Variants in MAP7 observed in about 807,000 individuals in gnomAD.
MAP7 encodes the protein microtubule associated protein 7.
Under a neutral mutation model 94.8 loss-of-function variants are expected in MAP7, and 52 were observed. That is an observed-to-expected ratio of 0.55 (90% CI 0.44 to 0.69). The LOEUF (loss-of-function observed/expected upper bound fraction) is 0.69. MAP7 is among the 30% of genes least tolerant of loss of function. MAP7 has a pLI of 0.00. For missense variants in MAP7, 940 were observed against 964.6 expected, an observed-to-expected ratio of 0.97 and a Z score of 0.34; for synonymous variants, 350 against 357.0, an observed-to-expected ratio of 0.98 and a Z score of 0.22.
chr6:136,518,291 C>T (rs1397805999), intron 1 of MAP7, among the ~76,000 whole-genome samples: 1 of 152,146 alleles, frequency 6.6e-6, no homozygotes, highest in African/African-American at 2.4e-5. Context: ...ATTCCCACTC[C>T]ACACTGGACC....
chr6:136,504,298 A>G (rs1164211061), intron 1 of MAP7, among the ~76,000 whole-genome samples: 1 of 152,206 alleles, frequency 6.6e-6, no homozygotes, highest in Middle Eastern at 3.4e-3. Context: ...ACAGGAAATG[A>G]CGAAATTAGC....
chr6:136,358,554 T>C (rs1366732525), intron 15 of MAP7, among the ~76,000 whole-genome samples: 1 of 152,090 alleles, frequency 6.6e-6, no homozygotes, highest in Non-Finnish European at 1.5e-5. Flanking sequence ...GAAACCAAAA[T>C]AGCTTCTATG....
intron 16 of MAP7, among the ~76,000 whole-genome samples, chr6:136,353,154 C>T (rs1789708916): frequency 6.6e-6 from 1 of 152,088 alleles, no homozygotes; most frequent in African/African-American, 2.4e-5. Flanking sequence ...TGTTTTCACC[C>T]AGGTAACTTA....
At chr6:136,420,131 T>C (rs1790816643) in intron 2 of MAP7, 5 of 874,258 alleles carry the variant, frequency 5.7e-6, no homozygotes, top group Non-Finnish European at 7.9e-6. Context: ...CAATCTTTAA[T>C]CAAAGAAGAA....
chr6:136,448,978 G>A (rs1274219971), intron 1 of MAP7, among the ~76,000 whole-genome samples: 1 of 147,682 alleles, frequency 6.8e-6, no homozygotes, highest in African/African-American at 2.5e-5. Flanking sequence ...AATGTTCCAG[G>A]TACTGGGGAC....
intron 1 of MAP7, among the ~76,000 whole-genome samples, chr6:136,495,711 A>G (rs778078694): frequency 6.6e-6 from 1 of 152,154 alleles, no homozygotes; most frequent in Non-Finnish European, 1.5e-5. Flanking sequence ...AGGGGTTTCT[A>G]TAGGTCCACA....
intron 1 of MAP7, among the ~76,000 whole-genome samples, chr6:136,482,832 A>G (rs1248785745): frequency 6.6e-6 from 1 of 152,178 alleles, no homozygotes; most frequent in Non-Finnish European, 1.5e-5. Flanking sequence ...TGTGTATTTT[A>G]AAACCGCTAA....
chr6:136,420,108 T>C (rs916749733), intron 2 of MAP7: 7 of 855,810 alleles, frequency 8.2e-6, no homozygotes, highest in Admixed American at 6.9e-5. Context: ...AAATTATAAA[T>C]GCTTTGGGAG....
intron 1 of MAP7, among the ~76,000 whole-genome samples, chr6:136,448,480 T>C (rs1454211077): frequency 1.3e-5 from 2 of 151,374 alleles, no homozygotes; most frequent in Non-Finnish European, 1.5e-5. Context: ...AGTGGCGCAA[T>C]CTCAGCTCAC....
At chr6:136,351,238 A>T (rs866984673) in intron 16 of MAP7, among the ~76,000 whole-genome samples, 45 of 137,974 alleles carry the variant, frequency 3.3e-4, no homozygotes, top group African/African-American at 1.3e-3. Context: ...TTTGATGGTA[A>T]AAAAAAAAAA....
chr6:136,500,722 A>C (rs904619103), intron 1 of MAP7, among the ~76,000 whole-genome samples: 1 of 152,218 alleles, frequency 6.6e-6, no homozygotes, highest in African/African-American at 2.4e-5. Flanking sequence ...CAGGTGTTTC[A>C]ACATCTGCTT....
intron 1 of MAP7, among the ~76,000 whole-genome samples, chr6:136,513,121 A>T (rs1823756519): frequency 6.6e-6 from 1 of 152,204 alleles, no homozygotes; most frequent in Non-Finnish European, 1.5e-5. Flanking sequence ...CTGGGATTAT[A>T]GGCATGAGCC....
chr6:136,365,530 T>G lies in MAP7; in HGVS notation c.1273+205A>C, dbSNP rs189758890. ...ACAGGAATAGTGTTGCCAGGTAATT[T>G]TTTACTTAGCGTTGCTAAGTAAAAA... On this transcript the variant is annotated intron_variant, in intron 10 of 17. Transcript: ENST00000354570. Among the ~76,000 whole-genome samples the G allele has an allele frequency of 3.3e-5, 5 of 152,314 alleles. No homozygotes were observed. The East Asian group carries it at 9.7e-4, about 29-fold the overall frequency.
intron 1 of MAP7, among the ~76,000 whole-genome samples, chr6:136,523,166 G>T (rs1826884804): frequency 6.6e-6 from 1 of 152,216 alleles, no homozygotes; most frequent in Admixed American, 6.5e-5. Flanking sequence ...AAGTGGAAAA[G>T]GTAAAATGAA....
At chr6:136,505,719 C>T (rs1821318560) in intron 1 of MAP7, among the ~76,000 whole-genome samples, 1 of 151,872 alleles carries the variant, frequency 6.6e-6, no homozygotes, top group South Asian at 2.1e-4. Context: ...GTACAACACC[C>T]GTGACACAAG....
At chr6:136,416,323 A>C (rs1789397654) in intron 2 of MAP7, among the ~76,000 whole-genome samples, 1 of 152,178 alleles carries the variant, frequency 6.6e-6, no homozygotes, top group Non-Finnish European at 1.5e-5. Context: ...AAATGCTAGA[A>C]GTTTAAATTT....
At chr6:136,388,083 A>C (rs1413061562) in intron 5 of MAP7, among the ~76,000 whole-genome samples, 1 of 152,202 alleles carries the variant, frequency 6.6e-6, no homozygotes, top group Non-Finnish European at 1.5e-5. Flanking sequence ...ATAATCCTGA[A>C]ACCCTAATGC....
intron 1 of MAP7, among the ~76,000 whole-genome samples, chr6:136,494,906 C>T (rs964261973): frequency 3.3e-5 from 5 of 152,134 alleles, no homozygotes. Flanking sequence ...ATAGATACCA[C>T]AGATGAAAGG....
At chr6:136,512,998 G>C (rs1409706628) in intron 1 of MAP7, among the ~76,000 whole-genome samples, 1 of 151,242 alleles carries the variant, frequency 6.6e-6, no homozygotes, top group Non-Finnish European at 1.5e-5. Context: ...CACCAAGCTA[G>C]GTTTTGTTTT....
Sources: gnomAD v4.1 joint callset for allele counts (sites outside exome capture counted in the v4.1 genomes callset) on GRCh38, gnomAD v4.1.1 for gene constraint, MANE v1.5 for transcripts, NCBI Gene and HGNC (gene_info 2026-07-23, HGNC 2026-07-21) for gene names.